The following PLXNB3 variants were observed in gnomAD, a reference collection of about 807,000 sequenced individuals.
The protein encoded by PLXNB3 is plexin B3, also known as plexin-B3.
A neutral mutation model predicts 125.7 loss-of-function variants in PLXNB3; 80 were observed. The observed-to-expected ratio is 0.64, with a 90% CI of 0.53 to 0.77. PLXNB3 has a LOEUF of 0.77. PLXNB3 is among the 30% of genes least tolerant of loss of function. The pLI is 0.00. For synonymous variants in PLXNB3, 954 were observed against 783.3 expected (o/e 1.22, Z -3.64); for missense variants, 1,836 against 1,729.3 (o/e 1.06, Z -1.09).
chrX:153,777,038 C>T (rs1163692155), intron 29 of PLXNB3, 58 bp downstream of exon 29: 9 of 995,025 alleles, frequency 9.0e-6, no homozygotes, highest in Non-Finnish European at 8.3e-6. Flanking sequence ...AGGCAGAACT[C>T]CTGGCCATGC....
Position 153,767,132 on chromosome X carries a change from G to A in PLXNB3, c.305G>A (p.Arg102His), listed in dbSNP as rs148423464. 1.6e-4 allele frequency: 190 copies of A among 1,208,551 alleles called. No homozygotes were observed. The African/African-American group carries it at 2.8e-3, about 18-fold the overall frequency. ...VIDSPDCVPF[R>H]DPAECPQAQL... ...GACAGCCCTGACTGCGTGCCCTTCC[G>A]TGACCCAGCCGAGTGCCCACAGGCC... Residue 102 changes from arginine to histidine, a missense_variant, in exon 3 of 36, where the codon CGT (arginine) becomes CAT (histidine). Transcript: ENST00000361971.
chrX:153,772,113 G>T, intron 15 of PLXNB3, 69 bp from the exon 16 acceptor site: 2 of 873,525 alleles, frequency 2.3e-6, no homozygotes, highest in Non-Finnish European at 2.8e-6. Flanking sequence ...GGGCACTCGG[G>T]TCAGGGGAGG....
At chrX:153,770,288 G>T (rs782252832) in intron 8 of PLXNB3, 40 bp downstream of exon 8, 2 of 1,201,764 alleles carry the variant, frequency 1.7e-6, no homozygotes, top group African/African-American at 3.5e-5. Context: ...ATGGAGGCTG[G>T]AGGGGTAATG....
At position 153,775,354 on chromosome X, in the gene PLXNB3, G is replaced by A; in HGVS notation, c.4285G>A (p.Asp1429Asn). The A allele has an allele frequency of 1.7e-6, 2 of 1,210,278 alleles. No homozygotes were observed. The highest frequency in any genetic ancestry group is 2.2e-6 in the Non-Finnish European group (2 of 894,981). Residue 1429 changes from aspartate (D) to asparagine (N), a missense_variant, in exon 25 of 36, where the codon GAC becomes AAC. Transcript: ENST00000361971. ...GGACATCATGAGGACCCTGCTGGGT[G>A]ACCTGGCGGCCCATTACGTGCACAG... ...LTDIMRTLLG[D>N]LAAHYVHRNP...
Position 153,770,223 on chromosome X carries a change from G to C in PLXNB3, c.1761G>C (p.Gln587His), listed in dbSNP as rs1603244549. The C allele has an allele frequency of 3.3e-6, 4 of 1,211,290 alleles. No individual in the cohort carries two copies. The highest frequency in any genetic ancestry group is 3.5e-5 in the African/African-American group (2 of 57,963). ...HVACVTPPQDQVPLNPPGTDH... is the reference protein window; with the variant it reads ...HVACVTPPQDHVPLNPPGTDH... ...CCTGTGTCACCCCTCCCCAAGACCA[G>C]GTGCCACTTAACCCTCCAGGCACAG... Residue 587 changes from glutamine to histidine, a missense_variant, in exon 8 of 36, where the codon CAG (glutamine) becomes CAC (histidine). By Grantham distance (24) the Gln-to-His change is conservative (BLOSUM62 0). Coordinates refer to ENST00000361971, the MANE Select transcript of PLXNB3 (RefSeq NM_005393.3).
chrX:153,768,890 C>G, intron 4 of PLXNB3, 58 bp from the exon 5 acceptor site: 1 of 1,176,598 alleles, frequency 8.5e-7, no homozygotes, highest in Non-Finnish European at 1.1e-6. Flanking sequence ...AGGGCGTGTC[C>G]CTGGAACAGG....
rs1557059964 is a variant in PLXNB3, at chrX:153,767,919, T to A, written c.1086+6T>A. The A allele has an allele frequency of 9.2e-7, 1 of 1,084,441 alleles. No individual in the cohort carries two copies. The highest frequency in any genetic ancestry group is 1.2e-6 in the Non-Finnish European group (1 of 836,174). The allele number at this position is 1,084,441 out of a possible 1,213,427, so 89.4% of individuals were successfully genotyped here. A position where few individuals can be genotyped will look rare whatever the true frequency, so the allele number is the denominator to read the frequency against. Reference sequence around the variant, plus strand: ...GCTGCGTCACCCTGCCCCTTGTGAGTGGCATGCCCTTCCATCCCCCCTCTC... The same window carrying A: ...GCTGCGTCACCCTGCCCCTTGTGAGAGGCATGCCCTTCCATCCCCCCTCTC... On this transcript the variant is annotated splice_donor_region_variant and intron_variant, in intron 3 of 35. Coordinates refer to ENST00000361971, the MANE Select transcript of PLXNB3 (RefSeq NM_005393.3).
rs201437211 is a variant in PLXNB3 at position 153,775,060 on chromosome X, C to T, written c.4112C>T (p.Thr1371Met). ...TGTGCCACTGTGCGCCAGGGCCTCA[C>T]GCAGCTCTCCAACCTGCTCAACAGC... ...GHCATVRQGLTQLSNLLNSKL... is the reference protein window; with the variant it reads ...GHCATVRQGLMQLSNLLNSKL... The change falls in exon 24 of 36, where the codon ACG becomes ATG. Residue 1371 changes from threonine (T) to methionine (M), a missense_variant. Physicochemically the swap from Thr to Met is moderately conservative, Grantham distance 81 (BLOSUM62 -1). Transcript: ENST00000361971. The T allele has an allele frequency of 4.1e-5, 50 of 1,208,278 alleles. No individual in the cohort carries two copies. The highest frequency in any genetic ancestry group is 4.4e-5 in the Admixed American group (2 of 45,856).
Position 153,774,251 on chromosome X carries a change from C to A in PLXNB3, c.3585C>A (p.Cys1195Ter). Residue 1195 changes from cysteine to a stop codon, truncating the protein, a stop_gained, in exon 21 of 36, where the codon TGC (cysteine) becomes TGA (stop). Coordinates refer to ENST00000361971, the MANE Select transcript of PLXNB3 (RefSeq NM_005393.3). LOFTEE classifies it high-confidence loss of function. ...EVRVHIGRGE[C>*]LVKTLTRTHL... The stretch of plus-strand genomic sequence containing the variant: ...GCGTGCACATCGGCCGCGGCGAGTG[C>A]CTGGTGAAGACGCTCACGCGCACCC... The A allele has an allele frequency of 4.2e-6, 5 of 1,193,711 alleles. No individual in the cohort carries two copies. Among genetic ancestry groups the A allele is most frequent in the Non-Finnish European group, 5.6e-6 (5 of 890,692 alleles).
At chrX:153,776,277 G>T in intron 27 of PLXNB3, 63 bp downstream of exon 27, 1 of 1,059,492 alleles carries the variant, frequency 9.4e-7, no homozygotes, top group South Asian at 2.0e-5. Flanking sequence ...GGCACCTGGA[G>T]CCCCTCAACT....
At position 153,770,976 on chromosome X, in the gene PLXNB3, C is replaced by T; in HGVS notation, c.2148C>T (p.Ala716=). The T allele has an allele frequency of 8.3e-7, 1 of 1,210,920 alleles. No individual in the cohort carries two copies. The highest frequency in any genetic ancestry group is 1.1e-6 in the Non-Finnish European group (1 of 895,215). The change falls in exon 12 of 36, where the codon GCC becomes GCT. Residue 716 remains alanine, a synonymous_variant. Coordinates refer to ENST00000361971, the MANE Select transcript of PLXNB3 (RefSeq NM_005393.3). Reference sequence around the variant, plus strand: ...GCGTCCTTCCCCAGGGCCTGCCTGCCTCCTTCCACTGCTGGCTGGAGCTGC... The same window carrying T: ...GCGTCCTTCCCCAGGGCCTGCCTGCTTCCTTCCACTGCTGGCTGGAGCTGC... ...RNLQHFRGLP[A]SFHCWLELPG...
Position 153,776,903 on chromosome X carries a change from C to G in PLXNB3, c.4850C>G (p.Thr1617Arg). The G allele has an allele frequency of 8.4e-7, 1 of 1,196,951 alleles. No homozygotes were observed. The highest frequency in any genetic ancestry group is 3.0e-5 in the East Asian group (1 of 33,496). Residue 1617 changes from threonine to arginine, a missense_variant, in exon 29 of 36, where the codon ACA becomes AGA. Physicochemically the swap from Thr to Arg is moderately conservative, Grantham distance 71. Coordinates refer to ENST00000361971, the MANE Select transcript of PLXNB3 (RefSeq NM_005393.3). ...LQHYKVPDGATVGLVPQLHRG... is the reference protein window; with the variant it reads ...LQHYKVPDGARVGLVPQLHRG... ...CTCTGCCAGGTCCCAGATGGAGCAA[C>G]AGTGGGGCTCGTCCCTCAGCTGCAC... is the stretch of plus-strand genomic sequence containing the variant.
chrX:153,769,790 G>A lies in PLXNB3; in HGVS notation c.1497-17G>A. 1 of 1,200,969 alleles carries A rather than the reference G, an allele frequency of 8.3e-7. No individual in the cohort carries two copies. The highest frequency in any genetic ancestry group is 1.1e-6 in the Non-Finnish European group (1 of 891,176). On this transcript the variant is annotated splice_polypyrimidine_tract_variant and intron_variant, in intron 6 of 35. Coordinates refer to ENST00000361971, the MANE Select transcript of PLXNB3 (RefSeq NM_005393.3). ...TCTAGGACCCCCACGGTGACCTGAT[G>A]GACCCCTGCCTGGCAGGTGTACCCG...
At chrX:153,773,449 G>A in intron 18 of PLXNB3, 43 bp downstream of exon 18, 2 of 1,186,138 alleles carry the variant, frequency 1.7e-6, no homozygotes, top group African/African-American at 3.5e-5. Context: ...CACGCAGGAG[G>A]GAAGGTGGGA....
intron 8 of PLXNB3, 43 bp downstream of exon 8, chrX:153,770,291 G>A (rs782188184): frequency 5.3e-5 from 64 of 1,203,755 alleles, no homozygotes; most frequent in Non-Finnish European, 6.9e-5. Flanking sequence ...GAGGCTGGAG[G>A]GGTAATGAGC....
rs782284503 is a variant in PLXNB3, at chrX:153,769,908, C to T, written c.1598C>T (p.Pro533Leu). ...TGCCTGCACATCCAGAGCCTGCTGC[C>T]GGGCCACCACCCCCGCCAGGAGCAG... ...SHCLHIQSLL[P>L]GHHPRQEQGQ... Residue 533 changes from proline to leucine, a missense_variant, in exon 7 of 36, where the codon CCG (proline) becomes CTG (leucine). Coordinates refer to ENST00000361971, the MANE Select transcript of PLXNB3 (RefSeq NM_005393.3). 5.0e-6 allele frequency: 6 copies of T among 1,207,029 alleles called. No individual in the cohort carries two copies. Among genetic ancestry groups the T allele is most frequent in the African/African-American group, 3.5e-5 (2 of 57,324 alleles).
chrX:153,775,757 C>T, intron 26 of PLXNB3, 97 bp downstream of exon 26: 1 of 1,092,202 alleles, frequency 9.2e-7, no homozygotes, highest in Non-Finnish European at 1.2e-6. Context: ...GTGACGAAGG[C>T]CCGGCAAGGG....
Position 153,778,765 on chromosome X carries a change from C to G in PLXNB3, c.5625+91C>G, listed in dbSNP as rs782633380. On this transcript the variant is annotated intron_variant, in intron 35 of 35. Coordinates refer to ENST00000361971, the MANE Select transcript of PLXNB3 (RefSeq NM_005393.3). ...GAGCAGGGGTGCCAGCCCATGCTGG[C>G]GGGGCCCAGGCTGGGGAAGGGACTC... The G allele has an allele frequency of 8.0e-6, 9 of 1,120,586 alleles. No individual in the cohort carries two copies. The African/African-American group carries it at 1.6e-4, about 20-fold the overall frequency. 92.3% of individuals were successfully genotyped at this position (1,120,586 alleles called of 1,213,427 possible).
At position 153,773,782 on chromosome X, in the gene PLXNB3, G is replaced by A. The variant is rs1360947413; in HGVS notation, c.3279+69G>A. On this transcript the variant is annotated intron_variant, in intron 19 of 35. Transcript: ENST00000361971. ...CCCATGCCCAGTGGGGAGGAGGAGGGTAGGCCGCCATGCCCCTAGCAGCGC... is the reference window on the plus strand; with the variant it reads ...CCCATGCCCAGTGGGGAGGAGGAGGATAGGCCGCCATGCCCCTAGCAGCGC... 5.6e-5 allele frequency: 67 copies of A among 1,192,012 alleles called. No homozygotes were observed. In the East Asian group the frequency reaches 1.7e-3, roughly 30 times the overall value.
Sources: gnomAD v4.1 joint callset for allele counts on GRCh38, gnomAD v4.1.1 for gene constraint, MANE v1.5 for transcripts, NCBI Gene and HGNC (gene_info 2026-07-23, HGNC 2026-07-21) for gene names.